Variants in PPP4R4 observed in about 807,000 individuals in gnomAD.
PPP4R4 encodes serine/threonine-protein phosphatase 4 regulatory subunit 4.
Under a neutral mutation model 121.8 loss-of-function variants are expected in PPP4R4, and 70 were observed. That is an observed-to-expected ratio of 0.57 (90% CI 0.47 to 0.70). PPP4R4 has a LOEUF of 0.70. Ranked by LOEUF, PPP4R4 falls within the 30% of genes least tolerant of loss-of-function variation. The probability of loss-of-function intolerance (pLI) is 0.00; values close to 1 mark genes in which losing one functional copy is unlikely to be tolerated. For synonymous variants in PPP4R4, 348 were observed against 355.7 expected, an observed-to-expected ratio of 0.98 and a Z score of 0.24; for missense variants, 875 against 1,033.6, an observed-to-expected ratio of 0.85 and a Z score of 2.10.
intron 2 of PPP4R4, among the ~76,000 whole-genome samples, chr14:94,179,067 C>T (rs1888833212): frequency 6.6e-6 from 1 of 152,222 alleles, no homozygotes; most frequent in African/African-American, 2.4e-5. Flanking sequence ...AATGGCTTTA[C>T]TGAGATATAA....
rs1296225187 is a variant in PPP4R4 at position 94,174,537 on chromosome 14, G to GTTCGGTTA, written c.72_73insTTCGGTTA (p.Gln25PhefsTer23). On this transcript the variant is annotated frameshift_variant, in exon 1 of 25. Transcript: ENST00000304338. LOFTEE classifies it high-confidence loss of function. ...GCCTGTTCGGTTACATGGAGGACCT[G>GTTCGGTTA]CAGGAGCTCACCATCATCGAGAGGC... 2 of 1,612,496 alleles carry GTTCGGTTA rather than the reference G, an allele frequency of 1.2e-6. No homozygotes were observed. Among genetic ancestry groups the GTTCGGTTA allele is most frequent in the African/African-American group, 2.7e-5 (2 of 74,852 alleles).
chr14:94,228,030 G>T (rs1891813044), intron 3 of PPP4R4, among the ~76,000 whole-genome samples: 1 of 152,030 alleles, frequency 6.6e-6, no homozygotes, highest in Non-Finnish European at 1.5e-5. Context: ...CTTTCTCTCA[G>T]CCAAGAACTC....
intron 2 of PPP4R4, among the ~76,000 whole-genome samples, chr14:94,192,449 A>G (rs1595457430): frequency 6.6e-6 from 1 of 152,200 alleles, no homozygotes; most frequent in African/African-American, 2.4e-5. Context: ...TCATTAAAAC[A>G]AACTGTTTAA....
chr14:94,256,262 A>T (rs961253096), intron 16 of PPP4R4, among the ~76,000 whole-genome samples, 198 bp from the exon 17 acceptor site: 1 of 151,966 alleles, frequency 6.6e-6, no homozygotes, highest in Middle Eastern at 3.2e-3. Context: ...CCAGGAGAGC[A>T]GAGAATTTTG....
At chr14:94,258,661 T>C in intron 17 of PPP4R4, 122 bp from the exon 18 acceptor site, 1 of 689,176 alleles carries the variant, frequency 1.5e-6, no homozygotes, top group Non-Finnish European at 2.6e-6. Context: ...TTTTCTGACT[T>C]AGTCTTCCCC....
chr14:94,231,362 G>A, intron 5 of PPP4R4, 47 bp downstream of exon 5: 2 of 1,456,356 alleles, frequency 1.4e-6, no homozygotes, highest in African/African-American at 2.9e-5. Context: ...TCACTCTAAG[G>A]TTTTTTTTTA....
chr14:94,196,483 T>C (rs547664287), intron 2 of PPP4R4, among the ~76,000 whole-genome samples: 93 of 151,964 alleles, frequency 6.1e-4, no homozygotes, highest in Admixed American at 1.1e-3. Flanking sequence ...CCAGCTAATT[T>C]TTGTATTTTT....
At chr14:94,188,666 T>A (rs1440384416) in intron 2 of PPP4R4, among the ~76,000 whole-genome samples, 1 of 152,162 alleles carries the variant, frequency 6.6e-6, no homozygotes, top group African/African-American at 2.4e-5. Context: ...ATGTTGTAAT[T>A]AATAATTATA....
At chr14:94,215,017 T>C (rs539900497) in intron 3 of PPP4R4, among the ~76,000 whole-genome samples, 1 of 152,348 alleles carries the variant, frequency 6.6e-6, no homozygotes, top group South Asian at 2.1e-4. Context: ...AGGTATTTCA[T>C]TATGAATATG....
At chr14:94,264,653 T>C (rs1469578892) in intron 19 of PPP4R4, among the ~76,000 whole-genome samples, 1 of 152,200 alleles carries the variant, frequency 6.6e-6, no homozygotes, top group Non-Finnish European at 1.5e-5. Context: ...GATACCAAAC[T>C]CATTGTTTTA....
chr14:94,231,265 ACT>A lies in PPP4R4; in HGVS notation c.469_470del (p.Leu157SerfsTer15). On this transcript the variant is annotated frameshift_variant, in exon 5 of 25. Coordinates refer to ENST00000304338, the MANE Select transcript of PPP4R4 (RefSeq NM_058237.2). LOFTEE classifies it high-confidence loss of function. The part of the protein sequence containing the change: ...DTGVSNAWLE[T>X]LLSVIEVLPK... ...AGGTGTCAGCAATGCATGGCTGGAA[ACT>A]CTTCTGTCTGTTATAGAAGTATTGC... 6.2e-7 allele frequency: 1 copy of A among 1,612,266 alleles called. No individual in the cohort carries two copies. Among genetic ancestry groups the A allele is most frequent in the Non-Finnish European group, 8.5e-7 (1 of 1,178,732 alleles).
At chr14:94,266,860 A>C in intron 22 of PPP4R4, 99 bp from the exon 23 acceptor site, 1 of 764,506 alleles carries the variant, frequency 1.3e-6, no homozygotes, top group Non-Finnish European at 2.2e-6. Context: ...TAAGTAGAGG[A>C]AAGCATTAAA....
intron 2 of PPP4R4, among the ~76,000 whole-genome samples, chr14:94,193,449 T>G (rs1186973741): frequency 6.6e-6 from 1 of 152,156 alleles, no homozygotes; most frequent in Non-Finnish European, 1.5e-5. Flanking sequence ...CTTATAAAAT[T>G]AGTATGATAA....
chr14:94,258,960 A>G, intron 18 of PPP4R4, 136 bp downstream of exon 18: 1 of 838,836 alleles, frequency 1.2e-6, no homozygotes. Context: ...GAGGCCTCAC[A>G]ATCGTGACAG....
At chr14:94,256,626 A>G (rs767524384) in intron 17 of PPP4R4, 22 bp downstream of exon 17, 2 of 1,569,312 alleles carry the variant, frequency 1.3e-6, no homozygotes, top group South Asian at 1.2e-5. Context: ...TCTTGCCACA[A>G]TGTTGCATTT....
rs769326677 is a variant in PPP4R4, at chr14:94,265,409, G to A, written c.2220G>A (p.Thr740=). The A allele has an allele frequency of 7.4e-6, 12 of 1,612,238 alleles. No homozygotes were observed. Among genetic ancestry groups the A allele is most frequent in the African/African-American group, 1.3e-5 (1 of 74,850 alleles). ...TAGGTAGAGACACTAAGACACCAAC[G>A]CAAAGTCTGCCCAAGAACATCCCCA... The part of the protein sequence containing the change: ...EKKRRDTKTP[T]QSLPKNIPIS... The change falls in exon 21 of 25, where the codon ACG becomes ACA. Residue 740 remains threonine (T), a synonymous_variant. Transcript: ENST00000304338.
chr14:94,237,536 T>C (rs1310665049), intron 7 of PPP4R4, 29 bp from the exon 8 acceptor site: 1 of 1,591,440 alleles, frequency 6.3e-7, no homozygotes, highest in Admixed American at 1.7e-5. Context: ...ATTGATTTGA[T>C]TTATTTTCTT....
rs553035845 is a variant in PPP4R4 at position 94,220,083 on chromosome 14, G to A, written c.295-10504G>A. On this transcript the variant is annotated intron_variant, in intron 3 of 24. Transcript: ENST00000304338. The stretch of plus-strand genomic sequence containing the variant: ...CTAAAAATACAAAAATTAGCCAGGT[G>A]TGGTGGCAGGCATCTGTAATCCCAG... Among the ~76,000 whole-genome samples the A allele has an allele frequency of 1.2e-4, 19 of 152,292 alleles. 1 individual carries two copies. The highest frequency in any genetic ancestry group is 4.2e-4 in the South Asian group (2 of 4,814).
chr14:94,207,716 A>C (rs1890535621), intron 2 of PPP4R4, among the ~76,000 whole-genome samples: 1 of 151,528 alleles, frequency 6.6e-6, no homozygotes, highest in Admixed American at 6.6e-5. Context: ...CTATCTATAT[A>C]TATATATGTA....
Sources: gnomAD v4.1 joint callset for allele counts (sites outside exome capture counted in the v4.1 genomes callset) on GRCh38, gnomAD v4.1.1 for gene constraint, MANE v1.5 for transcripts, NCBI Gene and HGNC (gene_info 2026-07-23, HGNC 2026-07-21) for gene names.